The following KIAA0825 variants were observed in gnomAD, a reference collection of about 807,000 sequenced individuals.
KIAA0825 encodes the protein uncharacterized protein KIAA0825.
KIAA0825 carries 119 observed loss-of-function variants against 147.6 expected under a neutral mutation model. The ratio of observed to expected loss-of-function variants is 0.81; its 90% confidence interval spans 0.69 to 0.94. The LOEUF (loss-of-function observed/expected upper bound fraction) is 0.94. KIAA0825 is among the 40% of genes least tolerant of loss of function. KIAA0825 has a pLI of 0.00. For missense variants in KIAA0825, 1,381 were observed against 1,472.7 expected (o/e 0.94, Z 1.02); for synonymous variants, 470 against 518.1 (o/e 0.91, Z 1.26).
At chr5:94,434,244 A>G (rs1160726477) in intron 14 of KIAA0825, among the ~76,000 whole-genome samples, 2 of 152,234 alleles carry the variant, frequency 1.3e-5, no homozygotes, top group Non-Finnish European at 2.9e-5. Flanking sequence ...CATTCCTTCA[A>G]AATGCTACAT....
At chr5:94,386,985 C>T (rs1749238591) in intron 18 of KIAA0825, among the ~76,000 whole-genome samples, 1 of 152,088 alleles carries the variant, frequency 6.6e-6, no homozygotes, top group South Asian at 2.1e-4. Flanking sequence ...ACTGCCAGTG[C>T]AGGCCTGGGC....
chr5:94,208,653 T>C (rs970623455), intron 20 of KIAA0825, among the ~76,000 whole-genome samples: 1 of 152,176 alleles, frequency 6.6e-6, no homozygotes, highest in Non-Finnish European at 1.5e-5. Context: ...GAGTGAGCAT[T>C]TGAGCTGACT....
intron 1 of KIAA0825, among the ~76,000 whole-genome samples, chr5:94,597,063 GTTTC>G (rs1180461556): frequency 2.0e-5 from 3 of 152,026 alleles, no homozygotes; most frequent in Non-Finnish European, 4.4e-5. Context: ...TTTGGATGCT[GTTTC>G]TTTCTTTCTC....
At chr5:94,167,000 GA>G (rs938979173) in intron 20 of KIAA0825, among the ~76,000 whole-genome samples, 18 of 152,158 alleles carry the variant, frequency 1.2e-4, no homozygotes, top group African/African-American at 4.3e-4. Context: ...ATAGTAGTGG[GA>G]AATCCATTAC....
At chr5:94,584,723 C>G (rs1782919148) in intron 1 of KIAA0825, among the ~76,000 whole-genome samples, 2 of 152,158 alleles carry the variant, frequency 1.3e-5, no homozygotes, top group South Asian at 4.2e-4. Context: ...AGAGCAACCC[C>G]AAGACACACA....
intron 20 of KIAA0825, among the ~76,000 whole-genome samples, chr5:94,319,869 T>C (rs926694292): frequency 6.6e-6 from 1 of 151,894 alleles, no homozygotes; most frequent in African/African-American, 2.4e-5. Flanking sequence ...TCATACAAAA[T>C]CAGCCTACCA....
intron 2 of KIAA0825, chr5:94,568,714 C>T (rs1397740598): frequency 1.3e-5 from 2 of 152,906 alleles, no homozygotes; most frequent in Non-Finnish European, 2.9e-5. Flanking sequence ...TACTCGGATT[C>T]TATCCCTGTA....
At position 94,597,943 on chromosome 5, in the gene KIAA0825, G is replaced by A. The variant is rs189853273; in HGVS notation, c.-152-15360C>T. Among the ~76,000 whole-genome samples the A allele has an allele frequency of 1.3e-3, 202 of 152,202 alleles. 1 individual carries two copies. The South Asian group carries it at 0.013, about 10-fold the overall frequency. On this transcript the variant is annotated intron_variant, in intron 1 of 20. Coordinates refer to ENST00000682413, the MANE Select transcript of KIAA0825 (RefSeq NM_001145678.3). ...TGGTATATGGCACTTATCATTCATGGAGCTTATAGGACTGGAAGTTGCTTT... is the reference window on the plus strand; with the variant it reads ...TGGTATATGGCACTTATCATTCATGAAGCTTATAGGACTGGAAGTTGCTTT...
At chr5:94,576,530 T>C (rs1019361131) in intron 2 of KIAA0825, among the ~76,000 whole-genome samples, 1 of 152,204 alleles carries the variant, frequency 6.6e-6, no homozygotes, top group Non-Finnish European at 1.5e-5. Context: ...GTATCACCTC[T>C]GGACTCTATG....
chr5:94,471,625 C>T lies in KIAA0825; in HGVS notation c.1562G>A (p.Cys521Tyr). The change falls in exon 9 of 21, where the codon TGT becomes TAT. Residue 521 changes from cysteine to tyrosine, a missense_variant. Cys to Tyr is a radical substitution (Grantham distance 194). Coordinates refer to ENST00000682413, the MANE Select transcript of KIAA0825 (RefSeq NM_001145678.3). The part of the protein sequence containing the change: ...EIRANLVEAC[C>Y]KVATAVLQRL... ...CTGCAGGACAGCTGTTGCCACTTTA[C>T]AACAGGCCTCCACCAAGTTTGCTCT... is the stretch of plus-strand genomic sequence containing the variant. 1 of 1,552,028 alleles carries T rather than the reference C, an allele frequency of 6.4e-7. No individual in the cohort carries two copies. The highest frequency in any genetic ancestry group is 8.7e-7 in the Non-Finnish European group (1 of 1,147,068).
At chr5:94,548,296 C>G (rs998753865) in intron 2 of KIAA0825, among the ~76,000 whole-genome samples, 1 of 152,090 alleles carries the variant, frequency 6.6e-6, no homozygotes, top group African/African-American at 2.4e-5. Context: ...TACTAGTTTT[C>G]TTTTTGCTTG....
intron 5 of KIAA0825, among the ~76,000 whole-genome samples, chr5:94,504,826 C>A (rs1479195962): frequency 6.7e-6 from 1 of 149,398 alleles, no homozygotes; most frequent in Non-Finnish European, 1.5e-5. Context: ...CGGCTTACTG[C>A]AACCTCTGCT....
chr5:94,507,557 C>T (rs985862086), intron 5 of KIAA0825, among the ~76,000 whole-genome samples: 4 of 149,034 alleles, frequency 2.7e-5, no homozygotes, highest in Admixed American at 6.8e-5. Flanking sequence ...GAAAAATTCA[C>T]ACCACTTTGA....
intron 20 of KIAA0825, among the ~76,000 whole-genome samples, chr5:94,332,064 A>C (rs1029085515): frequency 6.6e-6 from 1 of 150,424 alleles, no homozygotes; most frequent in Non-Finnish European, 1.5e-5. Flanking sequence ...TGGGAGGCTG[A>C]GGCAAGAGAA....
intron 17 of KIAA0825, among the ~76,000 whole-genome samples, chr5:94,393,735 C>G (rs1409671688): frequency 6.6e-6 from 1 of 152,204 alleles, no homozygotes; most frequent in Non-Finnish European, 1.5e-5. Flanking sequence ...TACATTTTTC[C>G]TCACAGTGTA....
At chr5:94,351,362 C>A (rs1292158804) in intron 20 of KIAA0825, among the ~76,000 whole-genome samples, 1 of 152,106 alleles carries the variant, frequency 6.6e-6, no homozygotes, top group Non-Finnish European at 1.5e-5. Context: ...AAAAACACCA[C>A]TTAGGAATAC....
intron 20 of KIAA0825, among the ~76,000 whole-genome samples, chr5:94,261,865 TAAAC>T (rs1290984442): frequency 1.3e-5 from 2 of 152,122 alleles, no homozygotes; most frequent in South Asian, 2.1e-4. Flanking sequence ...TGTATAGTAT[TAAAC>T]AGTCTCCTGG....
intron 2 of KIAA0825, among the ~76,000 whole-genome samples, chr5:94,573,434 C>T (rs1190175270): frequency 1.3e-5 from 2 of 152,022 alleles, no homozygotes; most frequent in East Asian, 3.9e-4. Context: ...CCATGCCCAG[C>T]TAATTTTTTG....
intron 5 of KIAA0825, among the ~76,000 whole-genome samples, chr5:94,512,372 CT>C (rs1486787055): frequency 6.6e-6 from 1 of 151,864 alleles, no homozygotes; most frequent in Non-Finnish European, 1.5e-5. Flanking sequence ...GGAAAAATGA[CT>C]ATATATTAAG....
Sources: allele counts gnomAD v4.1 joint callset (sites outside exome capture counted in the v4.1 genomes callset), GRCh38; gene constraint gnomAD v4.1.1; transcripts MANE v1.5; gene names NCBI Gene and HGNC (gene_info 2026-07-23, HGNC 2026-07-21).